TRIQK: variants seen among roughly 807,000 people sequenced by gnomAD.
TRIQK encodes the protein triple QxxK/R motif-containing protein.
In TRIQK, 10 loss-of-function variants were observed where a neutral mutation model predicts 10.8. The observed-to-expected ratio is 0.92, with a 90% CI of 0.57 to 1.57. The LOEUF (loss-of-function observed/expected upper bound fraction) is 1.57, where lower values mean the gene tolerates loss of function less well. Ranked by LOEUF, TRIQK falls within the 40% of genes most tolerant of loss-of-function variation. The pLI is 0.00. For synonymous variants in TRIQK, 33 were observed against 33.7 expected (o/e 0.98, Z 0.07); for missense variants, 107 against 97.7 (o/e 1.09, Z -0.40).
intron 2 of TRIQK, among the ~76,000 whole-genome samples, chr8:92,945,162 A>G (rs1220736662): frequency 2.0e-5 from 3 of 152,134 alleles, no homozygotes; most frequent in Non-Finnish European, 4.4e-5. Flanking sequence ...CACCCAATTC[A>G]CTACATACTG....
chr8:93,006,650 G>A (rs2130760531), intron 1 of TRIQK, among the ~76,000 whole-genome samples: 3 of 152,326 alleles, frequency 2.0e-5, no homozygotes, highest in Admixed American at 2.0e-4. Context: ...GCTCCAGTCT[G>A]CCCCTTTTCC....
At chr8:92,995,546 T>C (rs1412587187) in intron 1 of TRIQK, among the ~76,000 whole-genome samples, 1 of 151,836 alleles carries the variant, frequency 6.6e-6, no homozygotes, top group Non-Finnish European at 1.5e-5. Context: ...ATTTATCTTA[T>C]TTTTTTTCAC....
chr8:92,947,545 T>C (rs1811615044), intron 2 of TRIQK, among the ~76,000 whole-genome samples: 2 of 140,448 alleles, frequency 1.4e-5, no homozygotes, highest in Admixed American at 7.9e-5. Context: ...GATTGCGCCA[T>C]TGCATTCTAG....
chr8:92,916,871 C>T (rs1320298482), intron 3 of TRIQK, 58 bp downstream of exon 3: 13 of 1,191,328 alleles, frequency 1.1e-5, no homozygotes, highest in Non-Finnish European at 1.3e-5. Context: ...TCTTAATATG[C>T]ATAATTGTGT....
intron 1 of TRIQK, among the ~76,000 whole-genome samples, chr8:93,014,746 G>T (rs903800058): frequency 7.2e-5 from 11 of 151,768 alleles, no homozygotes; most frequent in African/African-American, 2.7e-4. Flanking sequence ...TTAAGAGAGG[G>T]GAAAAAATCT....
intron 1 of TRIQK, among the ~76,000 whole-genome samples, chr8:92,957,996 C>T (rs1331915088): frequency 1.3e-5 from 2 of 151,830 alleles, no homozygotes; most frequent in African/African-American, 4.8e-5. Flanking sequence ...TTTGAAAAAG[C>T]TTCAGAACCA....
chr8:92,888,844 C>A (rs946239486), intron 4 of TRIQK, among the ~76,000 whole-genome samples: 1 of 151,498 alleles, frequency 6.6e-6, no homozygotes, highest in African/African-American at 2.4e-5. Context: ...TTCATATAAA[C>A]CTTTTAAATA....
intron 2 of TRIQK, among the ~76,000 whole-genome samples, chr8:92,918,845 A>T (rs575527881): frequency 1.3e-5 from 2 of 150,536 alleles, no homozygotes; most frequent in East Asian, 3.9e-4. Flanking sequence ...CAGTCATTTC[A>T]TAGTTTTATG....
chr8:92,989,151 T>G (rs1374985303), intron 1 of TRIQK, among the ~76,000 whole-genome samples: 1 of 152,158 alleles, frequency 6.6e-6, no homozygotes, highest in East Asian at 1.9e-4. Flanking sequence ...ATGTTTTATT[T>G]TAAAATAGTC....
At chr8:92,915,570 G>C (rs1172065149) in intron 3 of TRIQK, among the ~76,000 whole-genome samples, 2 of 150,856 alleles carry the variant, frequency 1.3e-5, no homozygotes, top group Non-Finnish European at 2.9e-5. Flanking sequence ...TGCAAGCTCT[G>C]CCTCCCGGGT....
chr8:92,986,118 G>A (rs1306503951), intron 1 of TRIQK, among the ~76,000 whole-genome samples: 1 of 152,140 alleles, frequency 6.6e-6, no homozygotes, highest in African/African-American at 2.4e-5. Flanking sequence ...GAATTTGGCT[G>A]TGATTATTTT....
chr8:92,942,671 T>G (rs528526590), intron 2 of TRIQK, among the ~76,000 whole-genome samples: 1 of 152,302 alleles, frequency 6.6e-6, no homozygotes, highest in Admixed American at 6.5e-5. Context: ...CTGCAGGATT[T>G]GAATTCAACA....
intron 3 of TRIQK, among the ~76,000 whole-genome samples, chr8:92,914,590 T>C (rs1355297361): frequency 1.3e-5 from 2 of 152,296 alleles, no homozygotes; most frequent in South Asian, 2.1e-4. Context: ...AAGGTCTGAA[T>C]AGACATTTCT....
intron 1 of TRIQK, among the ~76,000 whole-genome samples, chr8:92,986,819 A>T (rs1349959114): frequency 2.6e-5 from 4 of 152,190 alleles, no homozygotes; most frequent in African/African-American, 9.6e-5. Context: ...GTGAATGTGC[A>T]GAGACGTACA....
At chr8:92,974,523 G>A (rs1284369081) in intron 1 of TRIQK, 1 of 152,208 alleles carries the variant, frequency 6.6e-6, no homozygotes, top group Non-Finnish European at 1.5e-5. Flanking sequence ...TCTATAGATG[G>A]TGTATGGAGA....
upstream of TRIQK, among the ~76,000 whole-genome samples, chr8:92,968,549 C>T (rs926284119): frequency 3.9e-5 from 6 of 152,112 alleles, no homozygotes; most frequent in South Asian, 2.1e-4. Flanking sequence ...TCTGTAATGA[C>T]CAGTGATAAT....
intron 3 of TRIQK, among the ~76,000 whole-genome samples, chr8:92,907,943 T>G (rs1267535607): frequency 6.6e-6 from 1 of 152,156 alleles, no homozygotes; most frequent in Non-Finnish European, 1.5e-5. Flanking sequence ...ATTCCTCATA[T>G]TACACTATTT....
At chr8:93,000,625 T>A (rs1813200708) in intron 1 of TRIQK, among the ~76,000 whole-genome samples, 1 of 152,110 alleles carries the variant, frequency 6.6e-6, no homozygotes, top group Admixed American at 6.6e-5. Flanking sequence ...CTCAAATAAG[T>A]TGTTAAGGAA....
chr8:92,897,929 G>A (rs1165540363), intron 3 of TRIQK, among the ~76,000 whole-genome samples: 1 of 152,000 alleles, frequency 6.6e-6, no homozygotes, highest in Non-Finnish European at 1.5e-5. Context: ...AGAGGTAAGA[G>A]ATTATAGGTT....
Sources: gnomAD v4.1 joint callset for allele counts (sites outside exome capture counted in the v4.1 genomes callset) on GRCh38, gnomAD v4.1.1 for gene constraint, MANE v1.5 for transcripts, NCBI Gene and HGNC (gene_info 2026-07-23, HGNC 2026-07-21) for gene names.